Variants in CNTN4 observed in about 807,000 individuals in gnomAD.
CNTN4 encodes the protein contactin-4.
CNTN4 carries 77 observed loss-of-function variants against 122.5 expected under a neutral mutation model. The observed-to-expected ratio is 0.63, with a 90% confidence interval of 0.52 to 0.76. The LOEUF (loss-of-function observed/expected upper bound fraction) is 0.76, where lower values mean the gene tolerates loss of function less well. Among genes scored for constraint, CNTN4 ranks in the 30% least tolerant of loss-of-function variants. The pLI, the probability that CNTN4 is intolerant of heterozygous loss-of-function variation, is 0.00. For missense variants in CNTN4, 1,256 were observed against 1,259.1 expected, an observed-to-expected ratio of 1.00 and a Z score of 0.04; for synonymous variants, 512 against 447.0, an observed-to-expected ratio of 1.15 and a Z score of -1.83.
intron 4 of CNTN4, among the ~76,000 whole-genome samples, chr3:2,664,765 T>G (rs1289609405): frequency 6.6e-6 from 1 of 152,192 alleles, no homozygotes; most frequent in Admixed American, 6.5e-5. Flanking sequence ...AAAGGTCAGG[T>G]TCGTGTTATT....
At chr3:2,197,644 T>C (rs1040580975) in intron 2 of CNTN4, among the ~76,000 whole-genome samples, 3 of 152,184 alleles carry the variant, frequency 2.0e-5, no homozygotes, top group Non-Finnish European at 4.4e-5. Flanking sequence ...ATTTTCTGCT[T>C]TCAGCTGTAT....
intron 2 of CNTN4, among the ~76,000 whole-genome samples, chr3:2,316,935 A>G (rs1224635685): frequency 6.6e-6 from 1 of 152,130 alleles, no homozygotes; most frequent in Non-Finnish European, 1.5e-5. Context: ...CAGTGATCCC[A>G]TATATTTCTT....
intron 4 of CNTN4, among the ~76,000 whole-genome samples, chr3:2,724,117 A>G (rs2088047198): frequency 6.6e-6 from 1 of 152,142 alleles, no homozygotes; most frequent in African/African-American, 2.4e-5. Flanking sequence ...GTCAGAGTTG[A>G]TTTGTAGTTT....
intron 14 of CNTN4, among the ~76,000 whole-genome samples, chr3:3,000,294 A>T (rs942337536): frequency 6.6e-6 from 1 of 151,998 alleles, no homozygotes; most frequent in African/African-American, 2.4e-5. Flanking sequence ...TAAGATAGAC[A>T]TTAAAATTTG....
intron 3 of CNTN4, among the ~76,000 whole-genome samples, chr3:2,350,672 G>T (rs957139724): frequency 3.3e-5 from 5 of 152,124 alleles, no homozygotes; most frequent in Non-Finnish European, 7.4e-5. Context: ...TCTTCATTAA[G>T]TTTTTGTTCA....
chr3:2,480,149 C>G (rs1480421218), intron 3 of CNTN4, among the ~76,000 whole-genome samples: 1 of 151,950 alleles, frequency 6.6e-6, no homozygotes, highest in Non-Finnish European at 1.5e-5. Context: ...AAAAAAAACC[C>G]TACAGTTAAC....
chr3:2,793,240 C>T (rs979823334), intron 6 of CNTN4, among the ~76,000 whole-genome samples: 1 of 151,990 alleles, frequency 6.6e-6, no homozygotes, highest in African/African-American at 2.4e-5. Context: ...CACGCTTCTG[C>T]TTGTTTCTCC....
chr3:2,431,152 ATAATC>A (rs2048054939), intron 3 of CNTN4, among the ~76,000 whole-genome samples: 1 of 152,232 alleles, frequency 6.6e-6, no homozygotes, highest in African/African-American at 2.4e-5. Context: ...AAAATCATGA[ATAATC>A]TAATATTCTA....
intron 13 of CNTN4, among the ~76,000 whole-genome samples, chr3:2,969,213 T>C (rs2125079683): frequency 6.6e-6 from 1 of 152,328 alleles, no homozygotes; most frequent in East Asian, 1.9e-4. Flanking sequence ...ATCTATTCCC[T>C]GGTGAAACGA....
chr3:2,365,909 G>A lies in CNTN4; in HGVS notation c.-89+26676G>A, dbSNP rs186669971. ...GGTAAAATGTTTTATTTTTGTTTTC[G>A]GTTCTGCCTCAAATACGGTTTTCCT... On this transcript the variant is annotated intron_variant, in intron 3 of 24. Transcript: ENST00000418658. 2.6e-4 allele frequency among the ~76,000 whole-genome samples: 39 copies of A among 152,206 alleles called. 1 individual carries two copies. The highest frequency in any genetic ancestry group is 8.9e-4 in the African/African-American group (37 of 41,520).
intron 4 of CNTN4, among the ~76,000 whole-genome samples, chr3:2,710,310 T>C (rs2087058961): frequency 1.3e-5 from 2 of 152,200 alleles, no homozygotes; most frequent in Non-Finnish European, 2.9e-5. Flanking sequence ...TGGCCAAATG[T>C]AAGAAGCAAT....
At chr3:2,759,713 C>CA (rs71058642) in intron 6 of CNTN4, among the ~76,000 whole-genome samples, 71,293 of 141,680 alleles carry the variant, frequency 0.5, 18,987 homozygotes, top group Non-Finnish European at 0.64. Context: ...GACTCTGTCT[C>CA]AAAAAAAAAA....
chr3:2,630,726 G>GTT (rs2082394432), intron 4 of CNTN4, among the ~76,000 whole-genome samples: 1 of 121,504 alleles, frequency 8.2e-6, no homozygotes, highest in Admixed American at 8.0e-5. Context: ...GTGTGTGTGT[G>GTT]TGTGTACTAT....
chr3:3,042,257 TC>T, intron 20 of CNTN4, 52 bp from the exon 21 acceptor site: 1 of 1,236,952 alleles, frequency 8.1e-7, no homozygotes, highest in Non-Finnish European at 1.2e-6. Context: ...GTATCTACAA[TC>T]CTGTCCTAAT....
At position 2,654,844 on chromosome 3, in the gene CNTN4, T is replaced by C. The variant is rs369500241; in HGVS notation, c.56-81371T>C. Among the ~76,000 whole-genome samples, 20 of 152,244 alleles carry C rather than the reference T, an allele frequency of 1.3e-4. No homozygotes were observed. In the East Asian group the frequency reaches 2.1e-3, roughly 16 times the overall value. On this transcript the variant is annotated intron_variant, in intron 4 of 24. Transcript: ENST00000418658. The stretch of plus-strand genomic sequence containing the variant: ...GAAGGTCTGGGTCATAGCAGCTTCT[T>C]TGCTTCTTCTTCTTATCTTCTGCGT...
chr3:2,393,232 C>T (rs1217843858), intron 3 of CNTN4, among the ~76,000 whole-genome samples: 1 of 134,080 alleles, frequency 7.5e-6, no homozygotes, highest in African/African-American at 2.9e-5. Flanking sequence ...TATGAGAATA[C>T]CAGTCATAAT....
chr3:2,695,904 T>G (rs963836893), intron 4 of CNTN4, among the ~76,000 whole-genome samples: 28 of 152,112 alleles, frequency 1.8e-4, no homozygotes, highest in African/African-American at 6.0e-4. Flanking sequence ...CACTGAGGTA[T>G]GAAATCAGTA....
chr3:2,909,340 C>T (rs892952265), intron 12 of CNTN4, among the ~76,000 whole-genome samples: 3 of 152,094 alleles, frequency 2.0e-5, no homozygotes, highest in Admixed American at 1.3e-4. Flanking sequence ...TGTCATTACT[C>T]ATCTTACTGT....
intron 4 of CNTN4, among the ~76,000 whole-genome samples, chr3:2,730,068 G>A (rs12494696): frequency 0.37 from 56,055 of 151,998 alleles, 11,344 homozygotes; most frequent in Non-Finnish European, 0.46. Context: ...GGTCATAGAG[G>A]TTCAGTATCC....
Sources: gnomAD v4.1 joint callset for allele counts (sites outside exome capture counted in the v4.1 genomes callset) on GRCh38, gnomAD v4.1.1 for gene constraint, MANE v1.5 for transcripts, NCBI Gene and HGNC (gene_info 2026-07-23, HGNC 2026-07-21) for gene names.